Variants in CDH1 observed in about 807,000 individuals in gnomAD.
The protein encoded by CDH1 is cadherin-1.
CDH1 carries 35 observed loss-of-function variants against 84.5 expected under a neutral mutation model. The ratio of observed to expected loss-of-function variants is 0.41; its 90% CI spans 0.32 to 0.55. The LOEUF (loss-of-function observed/expected upper bound fraction) is 0.55, where lower values mean the gene tolerates loss of function less well. CDH1 is among the 20% of genes least tolerant of loss of function. The pLI, the probability that CDH1 is intolerant of heterozygous loss-of-function variation, is 0.19. For synonymous variants in CDH1, 417 were observed against 439.0 expected (o/e 0.95, Z 0.63); for missense variants, 994 against 1,126.6 (o/e 0.88, Z 1.68).
chr16:68,782,675 G>C (rs533356201), intron 2 of CDH1, among the ~76,000 whole-genome samples: 2 of 152,116 alleles, frequency 1.3e-5, no homozygotes, highest in Non-Finnish European at 2.9e-5. Context: ...AGATTATCTT[G>C]TTCTTTCTTC....
At chr16:68,806,416 C>T (rs561305085) in intron 3 of CDH1, among the ~76,000 whole-genome samples, 1 of 152,230 alleles carries the variant, frequency 6.6e-6, no homozygotes, top group South Asian at 2.1e-4. Context: ...TCCCAAAGTG[C>T]TGGGATTACA....
chr16:68,785,944 A>T (rs1960034106), intron 2 of CDH1, among the ~76,000 whole-genome samples: 1 of 152,166 alleles, frequency 6.6e-6, no homozygotes, highest in Non-Finnish European at 1.5e-5. Context: ...GTCCAGGTAA[A>T]TGGCCCATGG....
At chr16:68,772,864 C>T (rs192539690) in intron 2 of CDH1, among the ~76,000 whole-genome samples, 14 of 152,016 alleles carry the variant, frequency 9.2e-5, no homozygotes, top group Non-Finnish European at 1.9e-4. Flanking sequence ...GAGGTCAATG[C>T]TGCAGTGAGC....
intron 2 of CDH1, among the ~76,000 whole-genome samples, chr16:68,765,820 T>C (rs548755108): frequency 2.0e-5 from 3 of 152,314 alleles, no homozygotes; most frequent in African/African-American, 7.2e-5. Flanking sequence ...CTTTCTATCT[T>C]GTGCCTGGTT....
rs1597894299 is a variant in CDH1 at position 68,811,844 on chromosome 16, T to C, written c.993T>C (p.Thr331=). 1.2e-6 allele frequency: 2 copies of C among 1,614,084 alleles called. No individual in the cohort carries two copies. The highest frequency in any genetic ancestry group is 1.3e-5 in the African/African-American group (1 of 74,930). The change falls in exon 7 of 16, where the codon ACT becomes ACC. Residue 331 remains threonine, a synonymous_variant. Transcript: ENST00000261769. ...CAGGAGTCATCAGTGTGGTCACCAC[T>C]GGGCTGGACCGAGAGGTCAGGGGTC... ...RNTGVISVVT[T]GLDRESFPTY... is the part of the protein sequence containing the mutation.
At chr16:68,765,425 ATCCG>A (rs1959339418) in intron 2 of CDH1, 1 of 152,034 alleles carries the variant, frequency 6.6e-6, no homozygotes, top group African/African-American at 2.4e-5. Flanking sequence ...TGACCTCATG[ATCCG>A]TCCGCCTCGG....
chr16:68,805,915 A>G lies in CDH1; in HGVS notation c.388-2509A>G, dbSNP rs535318471. 2.6e-5 allele frequency among the ~76,000 whole-genome samples: 4 copies of G among 151,774 alleles called. No individual in the cohort carries two copies. The East Asian group carries it at 5.9e-4, about 22-fold the overall frequency. On this transcript the variant is annotated intron_variant, in intron 3 of 15. Coordinates refer to ENST00000261769, the MANE Select transcript of CDH1 (RefSeq NM_004360.5). ...CAGGCCTGGCCAAGGTGGCTGTTTT[A>G]AGGCTTAGGATACAGTGGTTTTTCT...
rs1445658216 is a variant in CDH1 at position 68,829,662 on chromosome 16, C to G, written c.2304C>G (p.Asp768Glu). Residue 768 changes from aspartate (D) to glutamate (E), a missense_variant, in exon 15 of 16, where the codon GAC (aspartate) becomes GAG (glutamate). Around this residue, in one of 3 missense-constraint regions of CDH1, gnomAD observed 769 missense variants for 881.8 expected, o/e 0.87. Transcript: ENST00000261769. ...EGGGEEDQDFDLSQLHRGLDA... is the reference protein window; with the variant it reads ...EGGGEEDQDFELSQLHRGLDA... ...ACCTTTTTTCTCCAAAGGACTTTGA[C>G]TTGAGCCAGCTGCACAGGGGCCTGG... 1 of 1,614,188 alleles carries G rather than the reference C, an allele frequency of 6.2e-7. No homozygotes were observed. Among genetic ancestry groups the G allele is most frequent in the South Asian group, 1.1e-5 (1 of 91,070 alleles).
At chr16:68,814,978 C>A (rs1274127973) in intron 9 of CDH1, among the ~76,000 whole-genome samples, 6 of 149,858 alleles carry the variant, frequency 4.0e-5, no homozygotes, top group African/African-American at 1.5e-4. Flanking sequence ...GTAATCCCAA[C>A]ACTTTGGGAG....
chr16:68,743,191 GC>G (rs1401430615), intron 2 of CDH1, among the ~76,000 whole-genome samples: 1 of 151,920 alleles, frequency 6.6e-6, no homozygotes, highest in Admixed American at 6.6e-5. Flanking sequence ...CCCCAGATAC[GC>G]CAGAGGCTGA....
rs567813857 is a variant in CDH1 at position 68,739,011 on chromosome 16, A to G, written c.163+600A>G. On this transcript the variant is annotated intron_variant, in intron 2 of 15. Coordinates refer to ENST00000261769, the MANE Select transcript of CDH1 (RefSeq NM_004360.5). Reference sequence around the variant, plus strand: ...TGCCCAAGCTGGAGTGCAGTGGCACAATCATAGCTTACTGCAGCCTCCATC... The same window carrying G: ...TGCCCAAGCTGGAGTGCAGTGGCACGATCATAGCTTACTGCAGCCTCCATC... Among the ~76,000 whole-genome samples the G allele has an allele frequency of 8.6e-4, 108 of 126,080 alleles. 1 individual carries two copies. In the South Asian group the frequency reaches 0.011, roughly 13 times the overall value. 82.7% of individuals were successfully genotyped at this position (126,080 alleles called of 152,430 possible).
intron 14 of CDH1, 39 bp from the exon 15 acceptor site, chr16:68,829,615 T>A: frequency 3.1e-6 from 5 of 1,608,264 alleles, no homozygotes; most frequent in Non-Finnish European, 4.3e-6. Flanking sequence ...ACTATTTCTT[T>A]CCTACTCTTC....
rs1188775959 is a variant in CDH1 at position 68,755,282 on chromosome 16, C to CAAAAAAAAAAAA, written c.163+16882_163+16893dup. ...TGGGTGACAGGGCAAGACTCTGTCTCAAAAAAAAAAAAAAAAAAAAAATAG... is the reference window on the plus strand; with the variant it reads ...TGGGTGACAGGGCAAGACTCTGTCTCAAAAAAAAAAAAAAAAAAAAAAAAAAAAAAAAAATAG... On this transcript the variant is annotated intron_variant, in intron 2 of 15. Coordinates refer to ENST00000261769, the MANE Select transcript of CDH1 (RefSeq NM_004360.5). Among the ~76,000 whole-genome samples the CAAAAAAAAAAAA allele has an allele frequency of 1.3e-3, 128 of 96,014 alleles. 2 individuals are homozygous for CAAAAAAAAAAAA. Among genetic ancestry groups the CAAAAAAAAAAAA allele is most frequent in the African/African-American group, 3.2e-3 (86 of 26,612 alleles). 63.0% of individuals were successfully genotyped at this position (96,014 alleles called of 152,430 possible).
chr16:68,810,555 T>G (rs944937657), intron 6 of CDH1, among the ~76,000 whole-genome samples: 3 of 149,616 alleles, frequency 2.0e-5, no homozygotes, highest in African/African-American at 7.5e-5. Context: ...ATCTTCCCTT[T>G]TTTATTATTA....
chr16:68,749,122 C>T (rs571085766), intron 2 of CDH1, among the ~76,000 whole-genome samples: 10 of 152,354 alleles, frequency 6.6e-5, no homozygotes, highest in Admixed American at 3.9e-4. Context: ...CAGGCATGAG[C>T]CACCGTGCCC....
chr16:68,743,394 C>T (rs548108445), intron 2 of CDH1, among the ~76,000 whole-genome samples: 1 of 147,554 alleles, frequency 6.8e-6, no homozygotes, highest in Non-Finnish European at 1.5e-5. Context: ...GACGGAGTGT[C>T]ACTCTGTCGC....
At chr16:68,741,186 C>T (rs1215406899) in intron 2 of CDH1, among the ~76,000 whole-genome samples, 1 of 151,986 alleles carries the variant, frequency 6.6e-6, no homozygotes, top group African/African-American at 2.4e-5. Flanking sequence ...GTTCACAGAC[C>T]CCCACCCCCA....
chr16:68,803,541 G>A (rs1402452375), intron 3 of CDH1, among the ~76,000 whole-genome samples: 2 of 152,120 alleles, frequency 1.3e-5, no homozygotes, highest in African/African-American at 2.4e-5. Flanking sequence ...GGGAATACAG[G>A]AGCCCATCAC....
At chr16:68,828,419 T>A in intron 14 of CDH1, 115 bp downstream of exon 14, 1 of 1,055,054 alleles carries the variant, frequency 9.5e-7, no homozygotes, top group South Asian at 1.3e-5. Flanking sequence ...ATTATCTTTT[T>A]AAGGCCTTAC....
Sources: gnomAD v4.1 joint callset for allele counts (sites outside exome capture counted in the v4.1 genomes callset) on GRCh38, gnomAD v4.1.1 for gene constraint, gnomAD v4.1.1 regional missense constraint, MANE v1.5 for transcripts, NCBI Gene and HGNC (gene_info 2026-07-23, HGNC 2026-07-21) for gene names.